The following NETO2 variants were observed in gnomAD, a reference collection of about 807,000 sequenced individuals.
NETO2 encodes neuropilin and tolloid-like protein 2.
NETO2 carries 28 observed loss-of-function variants against 62.5 expected under a neutral mutation model. That is an observed-to-expected ratio of 0.45 (90% CI 0.33 to 0.61). NETO2 has a LOEUF of 0.61. Among genes scored for constraint, NETO2 ranks in the 20% least tolerant of loss-of-function variants. The pLI is 0.02. For missense variants in NETO2, 548 were observed against 643.2 expected, an observed-to-expected ratio of 0.85 and a Z score of 1.60; for synonymous variants, 214 against 219.1, an observed-to-expected ratio of 0.98 and a Z score of 0.21.
At chr16:47,132,115 A>G in intron 1 of NETO2, 90 bp from the exon 2 acceptor site, 6 of 966,610 alleles carry the variant, frequency 6.2e-6, no homozygotes, top group Non-Finnish European at 8.1e-6. Context: ...ACAAAAAAAG[A>G]TTAACTAAAA....
intron 1 of NETO2, among the ~76,000 whole-genome samples, chr16:47,138,946 CT>C (rs1203218292): frequency 6.6e-6 from 1 of 152,248 alleles, no homozygotes; most frequent in Non-Finnish European, 1.5e-5. Flanking sequence ...GGCCTAGAAT[CT>C]CTTTGGCTGA....
Position 47,128,235 on chromosome 16 carries a change from G to C in NETO2, c.481+90C>G. ...TTTAAAATCTTGATTTGATTAACTT[G>C]ACCAAATTAATCTCTTTTCTAACCT... On this transcript the variant is annotated intron_variant, in intron 4 of 8. Transcript: ENST00000562435. 3 of 1,450,846 alleles carry C rather than the reference G, an allele frequency of 2.1e-6. No individual in the cohort carries two copies. In the South Asian group the frequency reaches 4.2e-5, roughly 20 times the overall value. The allele number at this position is 1,450,846 out of a possible 1,614,324, so 89.9% of individuals were successfully genotyped here.
At chr16:47,100,784 C>G (rs972913872) in intron 7 of NETO2, among the ~76,000 whole-genome samples, 1 of 152,258 alleles carries the variant, frequency 6.6e-6, no homozygotes, top group Non-Finnish European at 1.5e-5. Context: ...AGACCGATAA[C>G]AAGTTCTGAA....
At position 47,079,902 on chromosome 16, in the gene NETO2, T is replaced by C. The variant is rs1240708316; in HGVS notation, c.*3319A>G. ...TGAAATCACAACCAGGCTTCTCCCG[T>C]CCCCTCTCATCAGTGAACACACTCC... On this transcript the variant is annotated 3_prime_UTR_variant, in exon 9 of 9. Coordinates refer to ENST00000562435, the MANE Select transcript of NETO2 (RefSeq NM_018092.5). 6.6e-6 allele frequency: 1 copy of C among 152,240 alleles called. No individual in the cohort carries two copies. Among genetic ancestry groups the C allele is most frequent in the Non-Finnish European group, 1.5e-5 (1 of 68,060 alleles). 9.4% of individuals were successfully genotyped at this position (152,240 alleles called of 1,614,324 possible). A position where few individuals can be genotyped will look rare whatever the true frequency, so the allele number is the denominator to read the frequency against.
intron 6 of NETO2, among the ~76,000 whole-genome samples, chr16:47,111,705 C>T (rs1963805137): frequency 6.6e-6 from 1 of 152,134 alleles, no homozygotes; most frequent in Admixed American, 6.6e-5. Flanking sequence ...ACTGGGTAGG[C>T]CGGTCTGCTC....
intron 6 of NETO2, among the ~76,000 whole-genome samples, chr16:47,110,867 T>C (rs1003584426): frequency 1.3e-5 from 2 of 151,290 alleles, no homozygotes; most frequent in Non-Finnish European, 1.5e-5. Context: ...TTACAAAATA[T>C]AGCTTAAAGA....
chr16:47,139,466 A>G (rs2151496115), intron 1 of NETO2, among the ~76,000 whole-genome samples: 1 of 152,314 alleles, frequency 6.6e-6, no homozygotes, highest in Non-Finnish European at 1.5e-5. Context: ...TCCTGTGTTA[A>G]GCAACTCAGT....
intron 7 of NETO2, among the ~76,000 whole-genome samples, chr16:47,103,866 GA>G (rs1000051598): frequency 4.3e-4 from 66 of 151,934 alleles, no homozygotes; most frequent in African/African-American, 1.5e-3. Context: ...ACTATGAATA[GA>G]AAAAAAATTT....
chr16:47,095,167 A>G (rs1432840315), intron 7 of NETO2, among the ~76,000 whole-genome samples: 2 of 152,218 alleles, frequency 1.3e-5, no homozygotes, highest in Non-Finnish European at 2.9e-5. Context: ...GCAGTTCATA[A>G]AAACACAATC....
intron 8 of NETO2, among the ~76,000 whole-genome samples, chr16:47,085,084 T>C (rs1963156368): frequency 6.6e-6 from 1 of 152,136 alleles, no homozygotes; most frequent in Middle Eastern, 3.2e-3. Context: ...TACACAGTGA[T>C]CTGACAACCA....
chr16:47,130,875 T>G (rs1964251710), intron 2 of NETO2, among the ~76,000 whole-genome samples: 1 of 152,132 alleles, frequency 6.6e-6, no homozygotes. Context: ...ACTTACGATC[T>G]GACCCTTTAC....
chr16:47,122,196 G>GAGTA (rs1175142782), intron 6 of NETO2, among the ~76,000 whole-genome samples: 2 of 152,180 alleles, frequency 1.3e-5, no homozygotes, highest in African/African-American at 4.8e-5. Flanking sequence ...AGCACCCCAT[G>GAGTA]AGTAGCAGAG....
At chr16:47,104,991 A>G (rs372215659) in intron 7 of NETO2, among the ~76,000 whole-genome samples, 1 of 151,890 alleles carries the variant, frequency 6.6e-6, no homozygotes, top group South Asian at 2.1e-4. Context: ...AAGTGCTCGG[A>G]TAACAGGCAT....
chr16:47,130,165 C>T (rs1020812948), intron 2 of NETO2, among the ~76,000 whole-genome samples: 9 of 152,146 alleles, frequency 5.9e-5, no homozygotes, highest in Non-Finnish European at 1.3e-4. Context: ...AGCACATGTC[C>T]CAGCCTTCGT....
chr16:47,122,990 G>T, intron 4 of NETO2, 78 bp from the exon 5 acceptor site: 1 of 1,361,810 alleles, frequency 7.3e-7, no homozygotes. Flanking sequence ...TACATCTAAC[G>T]TTCCATTTCA....
At chr16:47,116,841 C>A (rs900233884) in intron 6 of NETO2, among the ~76,000 whole-genome samples, 1 of 152,178 alleles carries the variant, frequency 6.6e-6, no homozygotes, top group African/African-American at 2.4e-5. Context: ...GTTTGGGCAG[C>A]TGTGTAGCTT....
intron 6 of NETO2, among the ~76,000 whole-genome samples, chr16:47,112,501 G>A (rs550630680): frequency 2.0e-5 from 3 of 152,196 alleles, no homozygotes; most frequent in East Asian, 1.9e-4. Flanking sequence ...TGGGACTACC[G>A]GTGTGCACCA....
intron 7 of NETO2, among the ~76,000 whole-genome samples, chr16:47,098,281 A>G (rs1963470598): frequency 6.6e-6 from 1 of 152,206 alleles, no homozygotes; most frequent in Non-Finnish European, 1.5e-5. Context: ...GAACCTTGAA[A>G]AAAGGTTAGA....
intron 4 of NETO2, among the ~76,000 whole-genome samples, chr16:47,127,584 G>A (rs1172090769): frequency 6.6e-6 from 1 of 152,190 alleles, no homozygotes; most frequent in Admixed American, 6.5e-5. Context: ...GCAATGCTGG[G>A]GCATGCACTG....
Sources: allele counts gnomAD v4.1 joint callset (sites outside exome capture counted in the v4.1 genomes callset), GRCh38; gene constraint gnomAD v4.1.1; transcripts MANE v1.5; gene names NCBI Gene and HGNC (gene_info 2026-07-23, HGNC 2026-07-21).